The following CHST8 variants were observed in gnomAD, a reference collection of about 807,000 sequenced individuals.
CHST8 encodes GALNAC-4-ST1.
CHST8 carries 10 observed loss-of-function variants against 15.0 expected under a neutral mutation model. The ratio of observed to expected loss-of-function variants is 0.67; its 90% CI spans 0.41 to 1.13. The LOEUF is 1.13. CHST8 is among the 50% of genes most tolerant of loss of function. CHST8 has a pLI of 0.00. For missense variants in CHST8, 634 were observed against 608.2 expected (o/e 1.04, Z -0.45); for synonymous variants, 259 against 256.6 (o/e 1.01, Z -0.09).
chr19:33,670,722 C>T (rs1046769226), intron 2 of CHST8, among the ~76,000 whole-genome samples: 3 of 152,158 alleles, frequency 2.0e-5, no homozygotes, highest in Non-Finnish European at 4.4e-5. Flanking sequence ...TACTGGCAGG[C>T]GTTCAGCCTT....
chr19:33,672,958 G>A (rs775382858), intron 2 of CHST8, among the ~76,000 whole-genome samples: 1 of 152,200 alleles, frequency 6.6e-6, no homozygotes, highest in Non-Finnish European at 1.5e-5. Flanking sequence ...CAGGCAGGAC[G>A]CGCCCAGGTC....
intron 3 of CHST8, among the ~76,000 whole-genome samples, chr19:33,697,384 T>C (rs773267683): frequency 8.6e-5 from 13 of 151,662 alleles, no homozygotes; most frequent in Admixed American, 6.6e-5. Context: ...CACCCCCCTC[T>C]TCACACCCGT....
At chr19:33,672,087 G>T (rs960200663) in intron 2 of CHST8, among the ~76,000 whole-genome samples, 4 of 152,030 alleles carry the variant, frequency 2.6e-5, no homozygotes, top group African/African-American at 9.7e-5. Context: ...TATCTGAAAT[G>T]TTTCATATTA....
chr19:33,636,081 T>G (rs1600227974), intron 1 of CHST8, among the ~76,000 whole-genome samples: 2 of 126,098 alleles, frequency 1.6e-5, no homozygotes, highest in African/African-American at 6.5e-5. Flanking sequence ...ATATGAAAGG[T>G]TTATCAAAGT....
chr19:33,687,421 G>A (rs1225752542), intron 2 of CHST8, among the ~76,000 whole-genome samples: 2 of 152,208 alleles, frequency 1.3e-5, no homozygotes, highest in African/African-American at 2.4e-5. Flanking sequence ...TGGATGACAG[G>A]AAGCAGCAGT....
intron 2 of CHST8, among the ~76,000 whole-genome samples, chr19:33,674,167 G>A (rs1389876047): frequency 1.3e-5 from 2 of 152,212 alleles, no homozygotes; most frequent in East Asian, 1.9e-4. Context: ...AGGGATGGAG[G>A]GATTCAGCCA....
At chr19:33,696,738 A>C (rs1309461997) in intron 3 of CHST8, among the ~76,000 whole-genome samples, 1 of 151,992 alleles carries the variant, frequency 6.6e-6, no homozygotes, top group African/African-American at 2.4e-5. Flanking sequence ...GCTTTAAGGA[A>C]TCTCCACACT....
At chr19:33,761,365 T>C (rs1348172373) in intron 3 of CHST8, among the ~76,000 whole-genome samples, 2 of 152,056 alleles carry the variant, frequency 1.3e-5, no homozygotes, top group East Asian at 3.9e-4. Flanking sequence ...AGTCTCACTC[T>C]GTCATCCAGG....
intron 3 of CHST8, among the ~76,000 whole-genome samples, chr19:33,710,784 G>C (rs1453107534): frequency 6.6e-6 from 1 of 152,084 alleles, no homozygotes; most frequent in Non-Finnish European, 1.5e-5. Context: ...GCAGCCCCAG[G>C]CTACAATGCC....
At chr19:33,701,912 A>G (rs1269598806) in intron 3 of CHST8, among the ~76,000 whole-genome samples, 1 of 152,204 alleles carries the variant, frequency 6.6e-6, no homozygotes, top group Non-Finnish European at 1.5e-5. Flanking sequence ...GCCTGATTCC[A>G]AAGCCTGTGC....
intron 3 of CHST8, among the ~76,000 whole-genome samples, chr19:33,762,446 T>C (rs1238562349): frequency 6.6e-6 from 1 of 152,248 alleles, no homozygotes; most frequent in African/African-American, 2.4e-5. Context: ...ACCACCCAGC[T>C]GAATCGTGGA....
chr19:33,687,892 C>G (rs1409089533), intron 2 of CHST8, among the ~76,000 whole-genome samples: 1 of 152,130 alleles, frequency 6.6e-6, no homozygotes, highest in Non-Finnish European at 1.5e-5. Flanking sequence ...GTCCTTGGGC[C>G]GAGCAGCATA....
At chr19:33,716,449 C>T (rs574158094) in intron 3 of CHST8, among the ~76,000 whole-genome samples, 158 of 152,338 alleles carry the variant, frequency 1.0e-3, no homozygotes, top group African/African-American at 3.7e-3. Flanking sequence ...TCACCACAGC[C>T]TCCACTTCCT....
chr19:33,673,398 G>T (rs975487543), intron 2 of CHST8, among the ~76,000 whole-genome samples: 2 of 152,230 alleles, frequency 1.3e-5, no homozygotes, highest in Non-Finnish European at 2.9e-5. Context: ...ACGTTGGCGG[G>T]GACCTAAGGT....
At chr19:33,714,723 G>A (rs189353965) in intron 3 of CHST8, among the ~76,000 whole-genome samples, 18 of 152,284 alleles carry the variant, frequency 1.2e-4, no homozygotes, top group South Asian at 2.1e-4. Context: ...TGCTGTTCTC[G>A]TGATAGTGAA....
chr19:33,720,914 C>T (rs1269151773), intron 3 of CHST8, among the ~76,000 whole-genome samples: 2 of 152,258 alleles, frequency 1.3e-5, no homozygotes, highest in Non-Finnish European at 2.9e-5. Flanking sequence ...CAGCACTGGC[C>T]CGACGTGGAC....
chr19:33,653,830 C>G (rs1972477376), intron 1 of CHST8, among the ~76,000 whole-genome samples: 1 of 152,168 alleles, frequency 6.6e-6, no homozygotes, highest in African/African-American at 2.4e-5. Context: ...ATGGTCAGCT[C>G]TACGTAAACC....
intron 3 of CHST8, among the ~76,000 whole-genome samples, chr19:33,694,130 A>ATATATAT (rs1973155858): frequency 1.7e-4 from 16 of 95,382 alleles, no homozygotes; most frequent in Non-Finnish European, 2.6e-4. Context: ...ATATATATAT[A>ATATATAT]AATGCAATGT....
At chr19:33,713,836 G>T (rs1973606620) in intron 3 of CHST8, among the ~76,000 whole-genome samples, 1 of 152,080 alleles carries the variant, frequency 6.6e-6, no homozygotes, top group Non-Finnish European at 1.5e-5. Context: ...GGAATTACAG[G>T]CGTTGAGTTA....
Sources: allele counts gnomAD v4.1 joint callset (sites outside exome capture counted in the v4.1 genomes callset), GRCh38; gene constraint gnomAD v4.1.1; transcripts MANE v1.5; gene names NCBI Gene and HGNC (gene_info 2026-07-23, HGNC 2026-07-21).